NUDT3: variants seen among roughly 807,000 people sequenced by gnomAD.
NUDT3 encodes nudix hydrolase 3.
A neutral mutation model predicts 23.6 loss-of-function variants in NUDT3; 9 were observed. The observed-to-expected ratio is 0.38, with a 90% confidence interval of 0.23 to 0.66. The LOEUF (loss-of-function observed/expected upper bound fraction) is 0.66, where lower values mean the gene tolerates loss of function less well. Among genes scored for constraint, NUDT3 ranks in the 30% least tolerant of loss-of-function variants. The pLI, the probability that NUDT3 is intolerant of heterozygous loss-of-function variation, is 0.52. For synonymous variants in NUDT3, 86 were observed against 82.6 expected (o/e 1.04, Z -0.22); for missense variants, 172 against 218.5 (o/e 0.79, Z 1.34).
chr6:34,360,635 AC>A (rs1764635797), intron 1 of NUDT3, among the ~76,000 whole-genome samples: 1 of 152,188 alleles, frequency 6.6e-6, no homozygotes, highest in African/African-American at 2.4e-5. Flanking sequence ...AAGCAGAATG[AC>A]CATTTAGTAA....
At chr6:34,349,859 G>C (rs1445724712) in intron 1 of NUDT3, among the ~76,000 whole-genome samples, 1 of 150,644 alleles carries the variant, frequency 6.6e-6, no homozygotes, top group Non-Finnish European at 1.5e-5. Flanking sequence ...GGGAGGCTGA[G>C]GCGGGCGGAT....
intron 1 of NUDT3, among the ~76,000 whole-genome samples, chr6:34,345,937 T>G (rs113550851): frequency 1.4e-3 from 212 of 151,980 alleles, no homozygotes; most frequent in Non-Finnish European, 1.7e-3. Context: ...CCCGGCCGAT[T>G]TTTGTATTTT....
chr6:34,306,521 A>T (rs1301193669), intron 2 of NUDT3, among the ~76,000 whole-genome samples: 1 of 152,266 alleles, frequency 6.6e-6, no homozygotes, highest in African/African-American at 2.4e-5. Flanking sequence ...CCTAATGACT[A>T]AAAATCCTTT....
chr6:34,288,510 A>G lies in NUDT3; in HGVS notation c.*243T>C. 1 of 469,704 alleles carries G rather than the reference A, an allele frequency of 2.1e-6. No homozygotes were observed. The highest frequency in any genetic ancestry group is 3.7e-6 in the Non-Finnish European group (1 of 271,148). The allele number at this position is 469,704 out of a possible 1,614,324, so 29.1% of individuals were successfully genotyped here. Reference sequence around the variant, plus strand: ...ACTGCAGGGGTGGGAAGAGGGAGGGACAGATCATGCACAAAAGTACTTACA... The same window carrying G: ...ACTGCAGGGGTGGGAAGAGGGAGGGGCAGATCATGCACAAAAGTACTTACA... On this transcript the variant is annotated 3_prime_UTR_variant, in exon 5 of 5. Coordinates refer to ENST00000607016, the MANE Select transcript of NUDT3 (RefSeq NM_006703.4).
chr6:34,357,951 C>T (rs1317926131), intron 1 of NUDT3, among the ~76,000 whole-genome samples: 2 of 152,184 alleles, frequency 1.3e-5, no homozygotes, highest in East Asian at 3.9e-4. Flanking sequence ...TTGTACTTCC[C>T]ATCTATGTAA....
At chr6:34,344,574 C>G (rs1209436811) in intron 1 of NUDT3, among the ~76,000 whole-genome samples, 2 of 152,130 alleles carry the variant, frequency 1.3e-5, no homozygotes, top group African/African-American at 4.8e-5. Context: ...AACTGCATAA[C>G]AGGCACAGGG....
Position 34,392,426 on chromosome 6 carries a change from G to A in NUDT3, c.-64C>T, listed in dbSNP as rs893269642. 6.9e-6 allele frequency: 9 copies of A among 1,299,654 alleles called. No individual in the cohort carries two copies. The highest frequency in any genetic ancestry group is 8.5e-6 in the Non-Finnish European group (8 of 936,930). The allele number at this position is 1,299,654 out of a possible 1,614,324, so 80.5% of individuals were successfully genotyped here. A position where few individuals can be genotyped will look rare whatever the true frequency, so the allele number is the denominator to read the frequency against. ...AGTCGAGGGGTGGGGAGCCCGCTCTGGACGGCCGCGTGCGCGCGCGCCCCC... is the reference window on the plus strand; with the variant it reads ...AGTCGAGGGGTGGGGAGCCCGCTCTAGACGGCCGCGTGCGCGCGCGCCCCC... On this transcript the variant is annotated 5_prime_UTR_variant, in exon 1 of 5. Coordinates refer to ENST00000607016, the MANE Select transcript of NUDT3 (RefSeq NM_006703.4).
chr6:34,367,265 T>C (rs574176060), intron 1 of NUDT3, among the ~76,000 whole-genome samples: 42 of 151,830 alleles, frequency 2.8e-4, no homozygotes, highest in Non-Finnish European at 5.6e-4. Flanking sequence ...GTGGATCACC[T>C]GAGGTCAGGA....
At chr6:34,374,718 C>A (rs1418474891) in intron 1 of NUDT3, among the ~76,000 whole-genome samples, 1 of 152,186 alleles carries the variant, frequency 6.6e-6, no homozygotes, top group African/African-American at 2.4e-5. Context: ...GTATCATCAT[C>A]ATTTCTTGGC....
At chr6:34,357,212 C>G (rs1196496508) in intron 1 of NUDT3, among the ~76,000 whole-genome samples, 1 of 152,070 alleles carries the variant, frequency 6.6e-6, no homozygotes, top group African/African-American at 2.4e-5. Flanking sequence ...AATATACATC[C>G]TACAAAATTG....
At chr6:34,291,511 A>G (rs1475133499) in intron 4 of NUDT3, among the ~76,000 whole-genome samples, 4 of 151,560 alleles carry the variant, frequency 2.6e-5, no homozygotes, top group Non-Finnish European at 4.4e-5. Flanking sequence ...CATTGACAAA[A>G]ATTTTTTTTT....
intron 1 of NUDT3, among the ~76,000 whole-genome samples, chr6:34,384,344 T>C (rs1179407822): frequency 3.3e-5 from 5 of 152,200 alleles, no homozygotes; most frequent in Non-Finnish European, 7.3e-5. Context: ...CCTTTCTTTA[T>C]TAAAACAGCT....
intron 1 of NUDT3, among the ~76,000 whole-genome samples, chr6:34,392,014 GCTCCGGCC>G (rs1350502447): frequency 1.3e-5 from 2 of 152,092 alleles, no homozygotes; most frequent in African/African-American, 2.4e-5. Context: ...GAACCGAAGC[GCTCCGGCC>G]ACAAGCCGGC....
At chr6:34,325,154 T>C (rs554206000) in intron 2 of NUDT3, among the ~76,000 whole-genome samples, 210 of 152,344 alleles carry the variant, frequency 1.4e-3, no homozygotes, top group African/African-American at 4.8e-3. Flanking sequence ...TGTCTTCTAA[T>C]GTAAAACTGC....
In NUDT3 at chr6:34,341,289, T is replaced by C. The variant is rs373086020; in HGVS notation, c.210+573A>G. 9.9e-5 allele frequency among the ~76,000 whole-genome samples: 15 copies of C among 152,276 alleles called. No individual in the cohort carries two copies. In the East Asian group the frequency reaches 2.3e-3, roughly 23 times the overall value. On this transcript the variant is annotated intron_variant, in intron 2 of 4. Transcript: ENST00000607016. ...TAAGAGAACTAAGAGTCCATGACTT[T>C]ACTTCTTTTATTTATTCTGGAGTAT...
chr6:34,380,117 CTT>C (rs1223278426), intron 1 of NUDT3, among the ~76,000 whole-genome samples: 1 of 152,068 alleles, frequency 6.6e-6, no homozygotes, highest in Non-Finnish European at 1.5e-5. Context: ...AAGTTTCGCT[CTT>C]GTTGCCCAGA....
intron 3 of NUDT3, 37 bp downstream of exon 3, chr6:34,295,604 T>A: frequency 1.2e-6 from 2 of 1,605,842 alleles, no homozygotes; most frequent in South Asian, 2.2e-5. Flanking sequence ...TGGTTATTAA[T>A]ACATATCATT....
At chr6:34,391,725 G>A (rs1765202542) in intron 1 of NUDT3, among the ~76,000 whole-genome samples, 1 of 151,950 alleles carries the variant, frequency 6.6e-6, no homozygotes, top group South Asian at 2.1e-4. Flanking sequence ...TATGCACAAC[G>A]CCCTAAATCT....
At chr6:34,304,973 GAATTTT>G (rs1763657895) in intron 2 of NUDT3, among the ~76,000 whole-genome samples, 1 of 125,904 alleles carries the variant, frequency 7.9e-6, no homozygotes, top group Non-Finnish European at 1.6e-5. Context: ...TGCCCGGTCT[GAATTTT>G]TTTTTTTTTT....
Sources: allele counts gnomAD v4.1 joint callset (sites outside exome capture counted in the v4.1 genomes callset), GRCh38; gene constraint gnomAD v4.1.1; transcripts MANE v1.5; gene names NCBI Gene and HGNC (gene_info 2026-07-23, HGNC 2026-07-21).